Variants in CFHR2 observed in about 807,000 individuals in gnomAD.
CFHR2 encodes complement factor H-related protein 2.
A neutral mutation model predicts 21.7 loss-of-function variants in CFHR2; 22 were observed. The observed-to-expected ratio is 1.01, with a 90% CI of 0.72 to 1.45. The LOEUF (loss-of-function observed/expected upper bound fraction) is 1.45, where lower values mean the gene tolerates loss of function less well. CFHR2 is among the 40% of genes most tolerant of loss of function. The pLI is 0.00. For missense variants in CFHR2, 294 were observed against 293.3 expected, an observed-to-expected ratio of 1.00 and a Z score of -0.02; for synonymous variants, 98 against 97.4, an observed-to-expected ratio of 1.01 and a Z score of -0.04.
chr1:196,950,779 A>G (rs1031648876), intron 2 of CFHR2, 73 bp from the exon 3 acceptor site: 3 of 1,544,844 alleles, frequency 1.9e-6, no homozygotes, highest in African/African-American at 1.4e-5. Context: ...TATTTATTAA[A>G]ATATTTTAAA....
chr1:196,958,683 T>C (rs1652996241), intron 4 of CFHR2, among the ~76,000 whole-genome samples, 198 bp from the exon 5 acceptor site: 1 of 152,082 alleles, frequency 6.6e-6, no homozygotes, highest in Non-Finnish European at 1.5e-5. Flanking sequence ...TTATCATCCA[T>C]TAAACATAGT....
chr1:196,954,677 C>CA (rs11406169), intron 3 of CFHR2, among the ~76,000 whole-genome samples: 51,487 of 151,214 alleles, frequency 0.34, 9,535 homozygotes, highest in African/African-American at 0.48. Flanking sequence ...CACCTGGAAC[C>CA]AAAAAAAAAC....
intron 3 of CFHR2, 126 bp downstream of exon 3, chr1:196,951,154 G>T (rs1659713441): frequency 1.7e-6 from 2 of 1,177,968 alleles, no homozygotes; most frequent in South Asian, 1.6e-5. Context: ...TTATTCATTT[G>T]ATTCTCAGTT....
intron 2 of CFHR2, 76 bp downstream of exon 2, chr1:196,949,725 A>C: frequency 6.4e-7 from 1 of 1,570,214 alleles, no homozygotes. Flanking sequence ...GATCATAAAC[A>C]CTTGATAATC....
rs778532035 is a variant in CFHR2 at position 196,949,637 on chromosome 1, C to A, written c.241C>A (p.Pro81Thr). The change falls in exon 2 of 5, where the codon CCA (proline) becomes ACA (threonine). Residue 81 changes from proline (P) to threonine (T), a missense_variant. Transcript: ENST00000367415. ...CGCAGAAGAAGGATGGTCACCAACA[C>A]CAAAGTGTCTCAGTGAGTAAATGCC... ...TCAEEGWSPT[P>T]KCLRLCFFPF... The A allele has an allele frequency of 6.2e-7, 1 of 1,613,804 alleles. No individual in the cohort carries two copies. The highest frequency in any genetic ancestry group is 1.1e-5 in the South Asian group (1 of 91,082).
chr1:196,947,767 A>G (rs369233165), intron 1 of CFHR2, among the ~76,000 whole-genome samples: 1 of 152,198 alleles, frequency 6.6e-6, no homozygotes. Context: ...TATATGAGGA[A>G]CTATCTTGAG....
intron 3 of CFHR2, among the ~76,000 whole-genome samples, chr1:196,951,785 C>A (rs973635436): frequency 6.6e-6 from 1 of 152,120 alleles, no homozygotes; most frequent in Non-Finnish European, 1.5e-5. Flanking sequence ...CCAAGACTGA[C>A]ATTATTAGTC....
intron 3 of CFHR2, among the ~76,000 whole-genome samples, chr1:196,952,489 G>A (rs1227632004): frequency 1.3e-5 from 2 of 152,146 alleles, no homozygotes; most frequent in African/African-American, 4.8e-5. Flanking sequence ...TTCAGTGATG[G>A]CATAAATATT....
intron 3 of CFHR2, among the ~76,000 whole-genome samples, chr1:196,955,097 T>C (rs1427489842): frequency 1.3e-5 from 2 of 152,228 alleles, no homozygotes; most frequent in Non-Finnish European, 1.5e-5. Flanking sequence ...CAAACTTTTA[T>C]ACTCTGTCAC....
intron 3 of CFHR2, among the ~76,000 whole-genome samples, chr1:196,954,865 G>A (rs889032784): frequency 1.2e-4 from 18 of 152,368 alleles, no homozygotes; most frequent in African/African-American, 4.3e-4. Context: ...GCACACAGCA[G>A]CAGGGCCCAG....
At chr1:196,954,723 C>CA (rs1390770740) in intron 3 of CFHR2, among the ~76,000 whole-genome samples, 1 of 152,110 alleles carries the variant, frequency 6.6e-6, no homozygotes, top group African/African-American at 2.4e-5. Context: ...ACAGGCACAA[C>CA]ACCATGTGGA....
At chr1:196,946,969 A>G (rs538925377) in intron 1 of CFHR2, among the ~76,000 whole-genome samples, 4 of 152,316 alleles carry the variant, frequency 2.6e-5, no homozygotes, top group Non-Finnish European at 5.9e-5. Context: ...CATTGCCACA[A>G]ACATGTGAGT....
At chr1:196,950,745 T>A in intron 2 of CFHR2, 107 bp from the exon 3 acceptor site, 1 of 1,284,182 alleles carries the variant, frequency 7.8e-7, no homozygotes, top group Non-Finnish European at 1.1e-6. Context: ...AGTGCAGGGA[T>A]TACCAGCTTG....
Position 196,952,614 on chromosome 1 carries a change from T to C in CFHR2, c.430+1586T>C, listed in dbSNP as rs116216880. 6.6e-3 allele frequency among the ~76,000 whole-genome samples: 1,007 copies of C among 152,302 alleles called. 12 individuals carry two copies. The highest frequency in any genetic ancestry group is 0.023 in the African/African-American group (966 of 41,556). On this transcript the variant is annotated intron_variant, in intron 3 of 4. Transcript: ENST00000367415. ...ATTAAGTTTGACCAGCTGTATCCCA[T>C]ACAAGCTGGCTCTTGTGTACAGTCT...
intron 3 of CFHR2, among the ~76,000 whole-genome samples, chr1:196,952,395 T>C (rs35593284): frequency 0.37 from 55,883 of 151,884 alleles, 11,821 homozygotes; most frequent in African/African-American, 0.58. Flanking sequence ...ACATTATTAA[T>C]ATTTGCAAAA....
At chr1:196,951,053 A>G in intron 3 of CFHR2, 25 bp downstream of exon 3, 2 of 1,611,988 alleles carry the variant, frequency 1.2e-6, no homozygotes, top group South Asian at 2.2e-5. Context: ...GTTCTCTCAG[A>G]TGCTGTTATA....
In CFHR2 at chr1:196,947,524, A is replaced by T. The variant is rs111614114; in HGVS notation, c.59-1931A>T. Among the ~76,000 whole-genome samples the T allele has an allele frequency of 5.3e-5, 8 of 152,302 alleles. No individual in the cohort carries two copies. In the South Asian group the frequency reaches 1.4e-3, roughly 28 times the overall value. Reference sequence around the variant, plus strand: ...TCAATACCTTTACCAAAACTATCTAATGTCAAATTTTAAACAGTTAGATAA... The same window carrying T: ...TCAATACCTTTACCAAAACTATCTATTGTCAAATTTTAAACAGTTAGATAA... On this transcript the variant is annotated intron_variant, in intron 1 of 4. Transcript: ENST00000367415.
At chr1:196,958,724 A>G (rs1652998096) in intron 4 of CFHR2, among the ~76,000 whole-genome samples, 157 bp from the exon 5 acceptor site, 1 of 152,078 alleles carries the variant, frequency 6.6e-6, no homozygotes, top group Non-Finnish European at 1.5e-5. Context: ...ACCATTTTAA[A>G]TTTACTTAAA....
intron 3 of CFHR2, 81 bp from the exon 4 acceptor site, chr1:196,957,810 T>C (rs547107988): frequency 3.3e-5 from 42 of 1,268,040 alleles, no homozygotes; most frequent in Non-Finnish European, 4.5e-5. Context: ...TGATAGACTA[T>C]AAAGTGCCTT....
Sources: gnomAD v4.1 joint callset for allele counts (sites outside exome capture counted in the v4.1 genomes callset) on GRCh38, gnomAD v4.1.1 for gene constraint, MANE v1.5 for transcripts, NCBI Gene and HGNC (gene_info 2026-07-23, HGNC 2026-07-21) for gene names.